Variants in FCER1A observed in about 807,000 individuals in gnomAD.
FCER1A encodes high affinity immunoglobulin epsilon receptor subunit alpha.
In FCER1A, 24 loss-of-function variants were observed where a neutral mutation model predicts 23.6. The observed-to-expected ratio is 1.02, with a 90% CI of 0.74 to 1.43. The LOEUF is 1.43. Ranked by LOEUF, FCER1A falls within the 40% of genes most tolerant of loss-of-function variation. The pLI is 0.00. For missense variants in FCER1A, 318 were observed against 294.5 expected (o/e 1.08, Z -0.58); for synonymous variants, 121 against 108.8 (o/e 1.11, Z -0.70).
intron 1 of FCER1A, among the ~76,000 whole-genome samples, chr1:159,297,257 T>C (rs1269205447): frequency 6.6e-6 from 1 of 152,008 alleles, no homozygotes; most frequent in Non-Finnish European, 1.5e-5. Flanking sequence ...GGTGTGGGTG[T>C]GGTTATGTGT....
upstream of FCER1A, among the ~76,000 whole-genome samples, chr1:159,301,963 G>A (rs1652442203): frequency 6.6e-6 from 1 of 152,170 alleles, no homozygotes; most frequent in Non-Finnish European, 1.5e-5. Context: ...GATTTATTTA[G>A]GATAACACCT....
At chr1:159,298,344 G>T (rs529076449), upstream of FCER1A, among the ~76,000 whole-genome samples, 195 of 152,208 alleles carry the variant, frequency 1.3e-3, no homozygotes, top group Non-Finnish European at 2.5e-3. Context: ...GAAGTGTTTG[G>T]GTCATGGAGG....
intron 1 of FCER1A, among the ~76,000 whole-genome samples, chr1:159,290,967 T>C (rs1652135041): frequency 6.6e-6 from 1 of 152,214 alleles, no homozygotes; most frequent in African/African-American, 2.4e-5. Flanking sequence ...GTTTCTCTGA[T>C]ATAATGCATT....
At chr1:159,302,319 C>A (rs772212296), upstream of FCER1A, 10 of 1,365,672 alleles carry the variant, frequency 7.3e-6, no homozygotes, top group Admixed American at 1.0e-4. Context: ...ATATTTGAAG[C>A]CTTAGATCTC....
At chr1:159,291,527 C>G (rs536493853) in intron 1 of FCER1A, among the ~76,000 whole-genome samples, 1 of 152,202 alleles carries the variant, frequency 6.6e-6, no homozygotes, top group East Asian at 1.9e-4. Flanking sequence ...GCAGAAACAC[C>G]TGTGTTATGT....
chr1:159,284,910 T>C (rs954156039), upstream of FCER1A, among the ~76,000 whole-genome samples: 1 of 152,238 alleles, frequency 6.6e-6, no homozygotes, highest in Non-Finnish European at 1.5e-5. Flanking sequence ...GCCTTGACTT[T>C]TATTACAGGA....
At chr1:159,290,856 T>C (rs145409650) in intron 1 of FCER1A, among the ~76,000 whole-genome samples, 8 of 108,686 alleles carry the variant, frequency 7.4e-5, no homozygotes, top group African/African-American at 3.4e-4. Context: ...AAAGTCATTG[T>C]GGTTTGGATG....
At chr1:159,305,356 T>C (rs528447115) in intron 3 of FCER1A, among the ~76,000 whole-genome samples, 1 of 152,306 alleles carries the variant, frequency 6.6e-6, no homozygotes, top group South Asian at 2.1e-4. Flanking sequence ...CACTGACTCA[T>C]TAGTGACAAA....
upstream of FCER1A, among the ~76,000 whole-genome samples, chr1:159,288,367 G>T (rs1040589474): frequency 1.3e-4 from 19 of 151,876 alleles, no homozygotes; most frequent in African/African-American, 4.6e-4. Flanking sequence ...GACTATTCTT[G>T]GTTCTTTCCC....
At position 159,306,095 on chromosome 1, in the gene FCER1A, A is replaced by G. The variant is rs1652603744; in HGVS notation, c.439A>G (p.Lys147Glu). 1 of 1,614,040 alleles carries G rather than the reference A, an allele frequency of 6.2e-7. No individual in the cohort carries two copies. Among genetic ancestry groups the G allele is most frequent in the African/African-American group, 1.3e-5 (1 of 74,924 alleles). Residue 147 changes from lysine (K) to glutamate (E), a missense_variant, in exon 4 of 5, where the codon AAG (lysine) becomes GAG (glutamate). Lys to Glu is a moderately conservative substitution (Grantham distance 56, BLOSUM62 1). Coordinates refer to ENST00000693622, the MANE Select transcript of FCER1A (RefSeq NM_001387280.1). The stretch of plus-strand genomic sequence containing the variant: ...GGATGTGTACAAGGTGATCTATTAT[A>G]AGGATGGTGAAGCTCTCAAGTACTG... ...NWDVYKVIYY[K>E]DGEALKYWYE...
chr1:159,286,889 G>A (rs1237815693), upstream of FCER1A, among the ~76,000 whole-genome samples: 1 of 152,236 alleles, frequency 6.6e-6, no homozygotes, highest in Non-Finnish European at 1.5e-5. Flanking sequence ...CCTATAATTA[G>A]CAGATATATG....
intron 2 of FCER1A, among the ~76,000 whole-genome samples, chr1:159,303,187 A>T (rs1291276830): frequency 2.0e-5 from 3 of 152,004 alleles, no homozygotes; most frequent in Non-Finnish European, 4.4e-5. Flanking sequence ...GCCATTTTAT[A>T]ATTGAGGATG....
At chr1:159,294,734 A>G (rs944693638) in intron 1 of FCER1A, among the ~76,000 whole-genome samples, 1 of 152,200 alleles carries the variant, frequency 6.6e-6, no homozygotes, top group East Asian at 1.9e-4. Flanking sequence ...CCTATGCTGA[A>G]ACTAAATTTT....
chr1:159,305,757 A>G (rs561618918), intron 3 of FCER1A, among the ~76,000 whole-genome samples: 1 of 152,256 alleles, frequency 6.6e-6, no homozygotes, highest in South Asian at 2.1e-4. Flanking sequence ...GAGGTCCGAG[A>G]GGCTTTGTGG....
At chr1:159,286,886 T>G (rs929022021), upstream of FCER1A, among the ~76,000 whole-genome samples, 4 of 152,124 alleles carry the variant, frequency 2.6e-5, no homozygotes, top group Non-Finnish European at 5.9e-5. Flanking sequence ...TGTCCTATAA[T>G]TAGCAGATAT....
intron 1 of FCER1A, among the ~76,000 whole-genome samples, chr1:159,290,547 C>T (rs1278336008): frequency 6.6e-6 from 1 of 152,146 alleles, no homozygotes; most frequent in Admixed American, 6.6e-5. Context: ...GCTGGAGCAC[C>T]TTGTTGAATG....
intron 2 of FCER1A, 103 bp downstream of exon 2, chr1:159,302,977 GA>G (rs1394158559): frequency 9.2e-5 from 105 of 1,139,194 alleles, no homozygotes; most frequent in Admixed American, 1.7e-4. Context: ...TAATGAGCAT[GA>G]ATCTGTTCCT....
upstream of FCER1A, among the ~76,000 whole-genome samples, chr1:159,286,488 A>G (rs375057382): frequency 8.6e-4 from 130 of 151,782 alleles, 2 homozygotes; most frequent in East Asian, 0.025. Flanking sequence ...GCCCGCCACC[A>G]CGCCCGGCTA....
chr1:159,285,799 A>G (rs1651999755), upstream of FCER1A, among the ~76,000 whole-genome samples: 2 of 152,194 alleles, frequency 1.3e-5, no homozygotes, highest in African/African-American at 4.8e-5. Context: ...CAGGAGACAC[A>G]TACTGTTTTG....
Sources: gnomAD v4.1 joint callset for allele counts (sites outside exome capture counted in the v4.1 genomes callset) on GRCh38, gnomAD v4.1.1 for gene constraint, MANE v1.5 for transcripts, NCBI Gene and HGNC (gene_info 2026-07-23, HGNC 2026-07-21) for gene names.